C3: variants seen among roughly 807,000 people sequenced by gnomAD.
C3 encodes C3 and PZP-like alpha-2-macroglobulin domain-containing protein 1.
In C3, 97 loss-of-function variants were observed where a neutral mutation model predicts 207.9. The ratio of observed to expected loss-of-function variants is 0.47; its 90% CI spans 0.40 to 0.55. The LOEUF is 0.55. Among genes scored for constraint, C3 ranks in the 20% least tolerant of loss-of-function variants. The pLI, the probability that C3 is intolerant of heterozygous loss-of-function variation, is 0.00. For missense variants in C3, 1,684 were observed against 2,171.7 expected (o/e 0.78, Z 4.46); for synonymous variants, 848 against 857.6 (o/e 0.99, Z 0.20).
chr19:6,704,911 A>T (rs1385811982), intron 17 of C3, among the ~76,000 whole-genome samples: 1 of 151,972 alleles, frequency 6.6e-6, no homozygotes, highest in Non-Finnish European at 1.5e-5. Flanking sequence ...AAAAAAAAAA[A>T]AAGTTTTCGT....
rs1967536077 is a variant in C3, at chr19:6,696,477, G to A, written c.2864-12C>T. The A allele has an allele frequency of 6.2e-7, 1 of 1,608,898 alleles. No homozygotes were observed. Among genetic ancestry groups the A allele is most frequent in the East Asian group, 2.2e-5 (1 of 44,822 alleles). On this transcript the variant is annotated splice_polypyrimidine_tract_variant and intron_variant, in intron 22 of 40. Coordinates refer to ENST00000245907, the MANE Select transcript of C3 (RefSeq NM_000064.4). ...TTTCTGCACTCCTTCTGCAGGGTGA[G>A]TGAGAGATACCGATGGCTCTAGCTC...
intron 24 of C3, among the ~76,000 whole-genome samples, chr19:6,693,755 G>C (rs927172250): frequency 6.6e-6 from 1 of 151,960 alleles, no homozygotes; most frequent in Non-Finnish European, 1.5e-5. Context: ...CTCTCAGAGA[G>C]GGGGTGGAGT....
At chr19:6,678,089 G>C in intron 40 of C3, 63 bp downstream of exon 40, 6 of 1,614,104 alleles carry the variant, frequency 3.7e-6, no homozygotes, top group Non-Finnish European at 5.1e-6. Context: ...CGTGACAATG[G>C]TGTGGGCGTG....
chr19:6,691,004 G>C (rs936333688), intron 26 of C3, among the ~76,000 whole-genome samples: 2 of 151,314 alleles, frequency 1.3e-5, no homozygotes, highest in Non-Finnish European at 2.9e-5. Context: ...CAGAGCTTTT[G>C]TCTAGTAGGG....
At position 6,712,520 on chromosome 19, in the gene C3, G is replaced by C; in HGVS notation, c.1107C>G (p.Pro369=). 1.2e-6 allele frequency: 2 copies of C among 1,614,154 alleles called. No homozygotes were observed. The highest frequency in any genetic ancestry group is 1.7e-6 in the Non-Finnish European group (2 of 1,179,980). Residue 369 remains proline, a synonymous_variant, in exon 10 of 41, where the codon CCC becomes CCG. Transcript: ENST00000245907. ...CCCCGGGTCTCACCATGAGGTCAAAGGGCATTCCTGGTTTGAAGTACTTGG... is the reference window on the plus strand; with the variant it reads ...CCCCGGGTCTCACCATGAGGTCAAACGGCATTCCTGGTTTGAAGTACTTGG... ...KTPKYFKPGM[P]FDLMVFVTNP...
intron 27 of C3, among the ~76,000 whole-genome samples, chr19:6,688,623 G>C (rs1388490091): frequency 6.6e-6 from 1 of 151,968 alleles, no homozygotes; most frequent in Non-Finnish European, 1.5e-5. Flanking sequence ...TGGTTCAAGT[G>C]ATTCTCCTGC....
intron 4 of C3, chr19:6,717,786 T>C (rs1555687632): frequency 3.8e-6 from 2 of 530,414 alleles, no homozygotes; most frequent in African/African-American, 3.9e-5. Flanking sequence ...TATTGTGTTG[T>C]GTGTTGTGTT....
chr19:6,697,919 C>G, intron 19 of C3, 125 bp from the exon 20 acceptor site: 1 of 876,322 alleles, frequency 1.1e-6, no homozygotes, highest in South Asian at 1.5e-5. Context: ...TTTGCTGAAG[C>G]CTGTGAACTA....
At chr19:6,678,824 C>G (rs1031380479) in intron 38 of C3, among the ~76,000 whole-genome samples, 12 of 152,164 alleles carry the variant, frequency 7.9e-5, no homozygotes, top group African/African-American at 2.9e-4. Flanking sequence ...ACCTCACACT[C>G]ACTGCCATCT....
At chr19:6,682,506 C>T (rs1034739401) in intron 33 of C3, 21 of 398,148 alleles carry the variant, frequency 5.3e-5, no homozygotes, top group Non-Finnish European at 8.7e-5. Flanking sequence ...ACCCTCCATG[C>T]TTCAGTTCTA....
intron 14 of C3, among the ~76,000 whole-genome samples, chr19:6,709,214 C>T (rs1396217493): frequency 1.3e-5 from 2 of 152,100 alleles, no homozygotes; most frequent in Non-Finnish European, 2.9e-5. Context: ...TTTGGGAGGT[C>T]GAGGCGGGTG....
At chr19:6,686,558 C>T in intron 28 of C3, 188 bp downstream of exon 28, 1 of 773,458 alleles carries the variant, frequency 1.3e-6, no homozygotes, top group South Asian at 1.5e-5. Context: ...CCTGCGAAAA[C>T]TTAGAGCCGT....
chr19:6,714,429 C>T lies in C3; in HGVS notation c.522G>A (p.Pro174=), dbSNP rs376520694. 34 of 1,613,456 alleles carry T rather than the reference C, an allele frequency of 2.1e-5. No homozygotes were observed. Among genetic ancestry groups the T allele is most frequent in the African/African-American group, 1.2e-4 (9 of 74,940 alleles). Reference sequence around the variant, plus strand: ...GAGAAGACAAGGAGTCCTGCTTGACCGGGATGCCTTCCGGGTTCTGTGGGA... The same window carrying T: ...GAGAAGACAAGGAGTCCTGCTTGACTGGGATGCCTTCCGGGTTCTGTGGGA... ...MVNIENPEGI[P]VKQDSLSSQN... is the part of the protein sequence containing the mutation. Residue 174 remains proline, a synonymous_variant, in exon 5 of 41, where the codon CCG becomes CCA. Coordinates refer to ENST00000245907, the MANE Select transcript of C3 (RefSeq NM_000064.4).
chr19:6,691,994 AC>A (rs1918179682), intron 26 of C3, among the ~76,000 whole-genome samples: 1 of 67,856 alleles, frequency 1.5e-5, no homozygotes, highest in African/African-American at 7.0e-5. Context: ...TCTCAAACAC[AC>A]ACACACACAC....
Position 6,696,643 on chromosome 19 carries a change from A to G in C3, c.2813T>C (p.Met938Thr). 1.2e-6 allele frequency: 2 copies of G among 1,614,092 alleles called. No individual in the cohort carries two copies. The highest frequency in any genetic ancestry group is 1.7e-6 in the Non-Finnish European group (2 of 1,180,014). ...SLKVVPEGIR[M>T]NKTVAVRTLD... The stretch of plus-strand genomic sequence containing the variant: ...GGTGCGAACAGCCACAGTTTTGTTC[A>G]TTCTGATTCCTTCCGGCTACGCAGT... The change falls in exon 22 of 41, where the codon ATG (methionine) becomes ACG (threonine). Residue 938 changes from methionine (M) to threonine (T), a missense_variant. This residue lies in a region of C3 where 1,280 missense variants were observed against 1,739.1 expected (regional missense o/e 0.74). Coordinates refer to ENST00000245907, the MANE Select transcript of C3 (RefSeq NM_000064.4).
At chr19:6,717,892 CTGTG>C (rs901181698) in intron 4 of C3, 198 bp downstream of exon 4, 14 of 652,772 alleles carry the variant, frequency 2.1e-5, no homozygotes, top group East Asian at 1.1e-4. Flanking sequence ...CTCTTTGCCT[CTGTG>C]TGTGTATTGT....
chr19:6,708,254 A>G (rs1346392137), intron 14 of C3, among the ~76,000 whole-genome samples: 1 of 151,876 alleles, frequency 6.6e-6, no homozygotes, highest in Non-Finnish European at 1.5e-5. Context: ...TTCCTGCCTC[A>G]GCCTCCCGAG....
intron 21 of C3, among the ~76,000 whole-genome samples, chr19:6,697,053 C>CA (rs1967552583): frequency 8.8e-6 from 1 of 114,136 alleles, no homozygotes; most frequent in Non-Finnish European, 1.9e-5. Flanking sequence ...AAAAAATAAA[C>CA]AAACAAATAA....
chr19:6,697,610 C>T (rs1407939997), intron 20 of C3, 42 bp downstream of exon 20: 1 of 1,613,662 alleles, frequency 6.2e-7, no homozygotes, highest in Non-Finnish European at 8.5e-7. Context: ...GCTACCTACC[C>T]CCTGGCAGCC....
Sources: gnomAD v4.1 joint callset for allele counts (sites outside exome capture counted in the v4.1 genomes callset) on GRCh38, gnomAD v4.1.1 for gene constraint, gnomAD v4.1.1 regional missense constraint, MANE v1.5 for transcripts, NCBI Gene and HGNC (gene_info 2026-07-23, HGNC 2026-07-21) for gene names.